Variants in CDH11 observed in about 807,000 individuals in gnomAD.
CDH11 encodes the protein cadherin-11.
Under a neutral mutation model 67.8 loss-of-function variants are expected in CDH11, and 11 were observed. The observed-to-expected ratio is 0.16, with a 90% CI of 0.10 to 0.27. The LOEUF is 0.27. Ranked by LOEUF, CDH11 falls within the 10% of genes least tolerant of loss-of-function variation. The pLI is 1.00. For synonymous variants in CDH11, 419 were observed against 400.0 expected (o/e 1.05, Z -0.57); for missense variants, 847 against 1,031.2 (o/e 0.82, Z 2.45).
chr16:65,122,110 T>TGGGGGGGGGGGGGGGG, upstream of CDH11: 1 of 66,686 alleles, frequency 1.5e-5, no homozygotes, highest in Non-Finnish European at 2.8e-5. Flanking sequence ...CGGGGGGAGG[T>TGGGGGGGGGGGGGGGG]GGCGGGCGGG....
chr16:64,962,351 G>A (rs2071694547), intron 11 of CDH11, among the ~76,000 whole-genome samples: 1 of 152,064 alleles, frequency 6.6e-6, no homozygotes, highest in Non-Finnish European at 1.5e-5. Flanking sequence ...AGATTCATAA[G>A]AGAATTGAGT....
intron 2 of CDH11, among the ~76,000 whole-genome samples, chr16:65,038,289 G>A (rs185571252): frequency 1.1e-4 from 17 of 152,050 alleles, no homozygotes; most frequent in Admixed American, 2.0e-4. Context: ...TTCGCGGGAC[G>A]CTGCTATCCC....
intron 1 of CDH11, among the ~76,000 whole-genome samples, chr16:65,114,837 T>A (rs140953973): frequency 0.02 from 3,114 of 152,250 alleles, 40 homozygotes; most frequent in Admixed American, 0.032. Context: ...ATTTTTAGCA[T>A]GATGCCAAAT....
In CDH11 at chr16:65,107,150, G is replaced by A. The variant is rs184845454; in HGVS notation, c.-298+14730C>T. Among the ~76,000 whole-genome samples the A allele has an allele frequency of 2.6e-5, 4 of 152,186 alleles. No homozygotes were observed. The East Asian group carries it at 7.7e-4, about 29-fold the overall frequency. On this transcript the variant is annotated intron_variant, in intron 1 of 12. Coordinates refer to ENST00000268603, the MANE Select transcript of CDH11 (RefSeq NM_001797.4). ...GGACCTACCCTTGAAAGCACCTTAA[G>A]TCTGTCTCCCTATAACAGAGCAATG...
chr16:65,009,040 G>T (rs1409716388), intron 2 of CDH11, among the ~76,000 whole-genome samples: 3 of 152,022 alleles, frequency 2.0e-5, no homozygotes, highest in Non-Finnish European at 4.4e-5. Context: ...TTTGTCCAAG[G>T]TTACAGAGCC....
intron 2 of CDH11, among the ~76,000 whole-genome samples, chr16:65,035,659 A>G (rs1051812299): frequency 2.0e-5 from 3 of 152,238 alleles, no homozygotes; most frequent in Non-Finnish European, 4.4e-5. Flanking sequence ...AATCACAATA[A>G]TAATTCATAC....
intron 11 of CDH11, among the ~76,000 whole-genome samples, chr16:64,962,347 A>G (rs1429136430): frequency 6.6e-6 from 1 of 152,166 alleles, no homozygotes; most frequent in Non-Finnish European, 1.5e-5. Flanking sequence ...TCCTAGATTC[A>G]TAAGAGAATT....
rs868859353 is a variant in CDH11, at chr16:65,044,997, G to A, written c.-173+8807C>T. ...CCTGGTGGGGGCTTGTGTGGGCACC[G>A]GTTCCATCCCACACTGTGTGGGGGC... On this transcript the variant is annotated intron_variant, in intron 2 of 12. Coordinates refer to ENST00000268603, the MANE Select transcript of CDH11 (RefSeq NM_001797.4). 2.6e-5 allele frequency among the ~76,000 whole-genome samples: 4 copies of A among 151,984 alleles called. No individual in the cohort carries two copies. The South Asian group carries it at 6.2e-4, about 24-fold the overall frequency.
chr16:65,087,560 T>C (rs1015842356), intron 1 of CDH11, among the ~76,000 whole-genome samples: 3 of 152,188 alleles, frequency 2.0e-5, no homozygotes, highest in African/African-American at 7.2e-5. Flanking sequence ...TTAAAAACCC[T>C]ACTGTTGGAT....
chr16:64,958,751 A>C (rs1198072159), intron 11 of CDH11, among the ~76,000 whole-genome samples: 4 of 152,202 alleles, frequency 2.6e-5, no homozygotes, highest in African/African-American at 9.6e-5. Context: ...GTTGAATTCC[A>C]TCATAGCCTA....
chr16:65,054,956 G>A (rs1414201854), intron 1 of CDH11, among the ~76,000 whole-genome samples: 1 of 152,188 alleles, frequency 6.6e-6, no homozygotes, highest in East Asian at 1.9e-4. Flanking sequence ...TTTAGTGAAG[G>A]GATGTGGATG....
chr16:64,953,096 T>C (rs909505397), intron 11 of CDH11, among the ~76,000 whole-genome samples: 2 of 152,118 alleles, frequency 1.3e-5, no homozygotes, highest in Non-Finnish European at 2.9e-5. Flanking sequence ...TATGATACTG[T>C]AGTTTCAAAT....
At chr16:65,047,061 C>G (rs1240669466) in intron 2 of CDH11, among the ~76,000 whole-genome samples, 3 of 152,148 alleles carry the variant, frequency 2.0e-5, no homozygotes, top group African/African-American at 7.2e-5. Context: ...TTGCAGTGAG[C>G]CAAGACTGCA....
chr16:65,050,247 C>T (rs757839792), intron 2 of CDH11, among the ~76,000 whole-genome samples: 4 of 152,146 alleles, frequency 2.6e-5, no homozygotes, highest in Non-Finnish European at 4.4e-5. Context: ...CTAAGTAAGA[C>T]ATGTGTGCTA....
intron 9 of CDH11, among the ~76,000 whole-genome samples, chr16:64,972,619 T>C (rs1489798179): frequency 6.6e-6 from 1 of 152,182 alleles, no homozygotes; most frequent in African/African-American, 2.4e-5. Context: ...GACTAGTGAC[T>C]GGATGGAGTG....
chr16:65,022,548 C>T (rs1481827931), intron 2 of CDH11, among the ~76,000 whole-genome samples: 1 of 152,158 alleles, frequency 6.6e-6, no homozygotes, highest in Non-Finnish European at 1.5e-5. Flanking sequence ...CAGTTTTCTT[C>T]CCCTGAAAAT....
intron 1 of CDH11, among the ~76,000 whole-genome samples, chr16:65,084,135 A>C (rs2074657022): frequency 6.6e-6 from 1 of 152,224 alleles, no homozygotes. Flanking sequence ...TTATGAAATA[A>C]ATTATTTCAT....
At chr16:65,057,759 A>G (rs2142730733) in intron 1 of CDH11, among the ~76,000 whole-genome samples, 1 of 152,322 alleles carries the variant, frequency 6.6e-6, no homozygotes, top group South Asian at 2.1e-4. Flanking sequence ...CAGATTGAGA[A>G]ACTGAGGCTG....
intron 5 of CDH11, 117 bp from the exon 6 acceptor site, chr16:64,992,052 T>A: frequency 1.7e-5 from 11 of 649,928 alleles, no homozygotes; most frequent in Admixed American, 2.8e-5. Flanking sequence ...TCAGCAAGAA[T>A]CATTTCAACA....
Sources: gnomAD v4.1 joint callset for allele counts (sites outside exome capture counted in the v4.1 genomes callset) on GRCh38, gnomAD v4.1.1 for gene constraint, MANE v1.5 for transcripts, NCBI Gene and HGNC (gene_info 2026-07-23, HGNC 2026-07-21) for gene names.